VOPP1: variants seen among roughly 807,000 people sequenced by gnomAD.
The protein encoded by VOPP1 is WW domain binding protein VOPP1.
Under a neutral mutation model 23.5 loss-of-function variants are expected in VOPP1, and 8 were observed. The observed-to-expected ratio is 0.34, with a 90% CI of 0.20 to 0.61. The LOEUF (loss-of-function observed/expected upper bound fraction) is 0.61. VOPP1 is among the 20% of genes least tolerant of loss of function. VOPP1 has a pLI of 0.78. For missense variants in VOPP1, 174 were observed against 238.1 expected, an observed-to-expected ratio of 0.73 and a Z score of 1.77; for synonymous variants, 83 against 97.3, an observed-to-expected ratio of 0.85 and a Z score of 0.86.
At chr7:55,556,586 A>C (rs1049802675) in intron 1 of VOPP1, among the ~76,000 whole-genome samples, 1 of 152,126 alleles carries the variant, frequency 6.6e-6, no homozygotes, top group Non-Finnish European at 1.5e-5. Flanking sequence ...TGGGGCTTTA[A>C]GAACATACTC....
chr7:55,506,675 G>C (rs1162765624), intron 2 of VOPP1, among the ~76,000 whole-genome samples: 1 of 151,500 alleles, frequency 6.6e-6, no homozygotes, highest in African/African-American at 2.4e-5. Flanking sequence ...CTTCGCTCTT[G>C]TTGCCCAGGC....
At chr7:55,486,004 G>A (rs182080569) in intron 4 of VOPP1, among the ~76,000 whole-genome samples, 369 of 152,362 alleles carry the variant, frequency 2.4e-3, no homozygotes, top group African/African-American at 8.0e-3. Context: ...CAGAGCTTGC[G>A]TGAGCAAATG....
intron 3 of VOPP1, 88 bp from the exon 4 acceptor site, chr7:55,492,506 C>CG: frequency 7.0e-7 from 1 of 1,431,278 alleles, no homozygotes. Context: ...ATGCACTCCT[C>CG]GGGGGTCCGG....
At chr7:55,468,894 G>A (rs1791704060), downstream of VOPP1, among the ~76,000 whole-genome samples, 1 of 152,136 alleles carries the variant, frequency 6.6e-6, no homozygotes, top group African/African-American at 2.4e-5. Flanking sequence ...AAAAGGGAGA[G>A]GCAGGTCACA....
At chr7:55,449,862 C>T (rs971269116) in intron 4 of VOPP1, among the ~76,000 whole-genome samples, 6 of 152,192 alleles carry the variant, frequency 3.9e-5, no homozygotes, top group African/African-American at 1.4e-4. Flanking sequence ...TTCTGGGCAT[C>T]AGGGATGTCA....
At chr7:55,547,641 G>C (rs1797425212) in intron 1 of VOPP1, among the ~76,000 whole-genome samples, 1 of 152,144 alleles carries the variant, frequency 6.6e-6, no homozygotes, top group Admixed American at 6.5e-5. Context: ...TCTCCTACTA[G>C]CTACCAATAG....
chr7:55,513,635 A>G (rs1156595782), intron 2 of VOPP1, among the ~76,000 whole-genome samples: 2 of 152,224 alleles, frequency 1.3e-5, no homozygotes, highest in African/African-American at 2.4e-5. Context: ...AAGATGCTGC[A>G]GGCCCAGGGA....
intron 1 of VOPP1, 118 bp from the exon 2 acceptor site, chr7:55,521,248 G>C (rs1200192719): frequency 1.6e-5 from 17 of 1,051,576 alleles, no homozygotes. Flanking sequence ...GAAAAGCTGG[G>C]ATATCGGGGC....
intron 3 of VOPP1, among the ~76,000 whole-genome samples, chr7:55,496,568 A>G (rs1437560392): frequency 6.6e-6 from 1 of 152,220 alleles, no homozygotes; most frequent in Non-Finnish European, 1.5e-5. Flanking sequence ...CCTGGCCAGC[A>G]GCTGTAAGGT....
intron 1 of VOPP1, among the ~76,000 whole-genome samples, chr7:55,544,394 G>T (rs564287354): frequency 6.6e-6 from 1 of 152,334 alleles, no homozygotes; most frequent in Non-Finnish European, 1.5e-5. Flanking sequence ...GTGGGGGAAG[G>T]AGATGGCCCC....
chr7:55,466,223 C>G (rs1240297422), downstream of VOPP1, among the ~76,000 whole-genome samples: 3 of 152,164 alleles, frequency 2.0e-5, no homozygotes, highest in Non-Finnish European at 2.9e-5. Context: ...TATAAACCAC[C>G]CAGCCTATGG....
chr7:55,470,198 A>G (rs111328883), downstream of VOPP1, among the ~76,000 whole-genome samples: 1,829 of 152,300 alleles, frequency 0.012, 13 homozygotes, highest in Admixed American at 0.021. Context: ...GTGAGACCCC[A>G]TCTCTAAAAC....
intron 1 of VOPP1, among the ~76,000 whole-genome samples, chr7:55,566,874 G>C (rs1334776853): frequency 5.3e-5 from 8 of 152,168 alleles, no homozygotes; most frequent in Non-Finnish European, 1.2e-4. Context: ...GCCTGGAAAA[G>C]AACACACACA....
intron 1 of VOPP1, among the ~76,000 whole-genome samples, chr7:55,568,440 A>T (rs934526466): frequency 6.6e-6 from 1 of 152,194 alleles, no homozygotes; most frequent in African/African-American, 2.4e-5. Flanking sequence ...TGAAGCACAA[A>T]GCAACGTGGC....
At chr7:55,521,625 C>A (rs759931931) in intron 1 of VOPP1, 1 of 987,382 alleles carries the variant, frequency 1.0e-6, no homozygotes, top group African/African-American at 1.7e-5. Context: ...TGCCCTCTCA[C>A]GTGCAGGAAG....
intron 1 of VOPP1, among the ~76,000 whole-genome samples, chr7:55,571,100 T>C (rs919246347): frequency 6.6e-6 from 1 of 152,102 alleles, no homozygotes; most frequent in Admixed American, 6.6e-5. Flanking sequence ...ATTCCTAAGG[T>C]TCTAAAATTC....
chr7:55,569,722 G>C (rs981843919), intron 1 of VOPP1, among the ~76,000 whole-genome samples: 3 of 152,194 alleles, frequency 2.0e-5, no homozygotes, highest in Admixed American at 6.5e-5. Context: ...GCAGTTCTAT[G>C]TCTAACAGGT....
intron 1 of VOPP1, among the ~76,000 whole-genome samples, chr7:55,529,238 G>A (rs377663054): frequency 2.6e-5 from 4 of 152,052 alleles, no homozygotes; most frequent in East Asian, 1.9e-4. Flanking sequence ...GGTGGCGCTC[G>A]CCTGTAGTCT....
intron 1 of VOPP1, among the ~76,000 whole-genome samples, chr7:55,530,031 C>T (rs1796411022): frequency 6.6e-6 from 1 of 152,140 alleles, no homozygotes; most frequent in Non-Finnish European, 1.5e-5. Flanking sequence ...GCACACAGGT[C>T]CTTGCATGGA....
Sources: gnomAD v4.1 joint callset for allele counts (sites outside exome capture counted in the v4.1 genomes callset) on GRCh38, gnomAD v4.1.1 for gene constraint, MANE v1.5 for transcripts, NCBI Gene and HGNC (gene_info 2026-07-23, HGNC 2026-07-21) for gene names.